Variants in CTNNA3 observed in about 807,000 individuals in gnomAD.
CTNNA3 encodes the protein catenin alpha-3.
CTNNA3 carries 76 observed loss-of-function variants against 95.7 expected under a neutral mutation model. The ratio of observed to expected loss-of-function variants is 0.79; its 90% CI spans 0.66 to 0.96. The LOEUF is 0.96. CTNNA3 is among the 40% of genes least tolerant of loss of function. The pLI is 0.00. For synonymous variants in CTNNA3, 431 were observed against 374.4 expected, an observed-to-expected ratio of 1.15 and a Z score of -1.74; for missense variants, 1,191 against 1,089.8, an observed-to-expected ratio of 1.09 and a Z score of -1.31.
chr10:66,153,374 C>G (rs185066986), intron 13 of CTNNA3, among the ~76,000 whole-genome samples: 1 of 151,880 alleles, frequency 6.6e-6, no homozygotes, highest in Non-Finnish European at 1.5e-5. Context: ...ATTATTTCTG[C>G]ATTCTCTAAT....
chr10:66,204,150 T>A (rs1331404907), intron 13 of CTNNA3, among the ~76,000 whole-genome samples: 3 of 152,160 alleles, frequency 2.0e-5, no homozygotes, highest in Non-Finnish European at 4.4e-5. Flanking sequence ...CTAAAATAGT[T>A]GTTTTAAATA....
chr10:67,070,300 T>A (rs1856369169), intron 7 of CTNNA3, among the ~76,000 whole-genome samples: 1 of 152,178 alleles, frequency 6.6e-6, no homozygotes. Context: ...TCTGAATGAG[T>A]CATTTGTCAG....
Position 67,539,679 on chromosome 10 carries a change from A to G in CTNNA3, c.293-10T>C, listed in dbSNP as rs566394363. 6.2e-7 allele frequency: 1 copy of G among 1,612,696 alleles called. No homozygotes were observed. Among genetic ancestry groups the G allele is most frequent in the African/African-American group, 1.3e-5 (1 of 74,984 alleles). On this transcript the variant is annotated splice_polypyrimidine_tract_variant and intron_variant, in intron 3 of 17. Transcript: ENST00000433211. The stretch of plus-strand genomic sequence containing the variant: ...ACTTTCAGAGCTTCACCTGAAAAAT[A>G]CAACCCCATATAAGTTATACTTTAA...
intron 5 of CTNNA3, among the ~76,000 whole-genome samples, chr10:67,483,508 A>G (rs1848320990): frequency 6.6e-6 from 1 of 151,432 alleles, no homozygotes; most frequent in African/African-American, 2.4e-5. Flanking sequence ...TCAGTAAACT[A>G]TCACAAGGAC....
At chr10:66,036,654 G>C (rs1207763428) in intron 15 of CTNNA3, among the ~76,000 whole-genome samples, 1 of 152,060 alleles carries the variant, frequency 6.6e-6, no homozygotes, top group Non-Finnish European at 1.5e-5. Flanking sequence ...AGGATTACAG[G>C]GGTGAGCCAC....
intron 1 of CTNNA3, among the ~76,000 whole-genome samples, chr10:67,723,052 T>A (rs1190830311): frequency 6.7e-6 from 1 of 149,954 alleles, no homozygotes; most frequent in Non-Finnish European, 1.5e-5. Flanking sequence ...AGTGGCGTAA[T>A]CTTGGCTCAC....
At chr10:67,221,351 T>C (rs1564986475) in intron 5 of CTNNA3, among the ~76,000 whole-genome samples, 1 of 152,178 alleles carries the variant, frequency 6.6e-6, no homozygotes, top group Non-Finnish European at 1.5e-5. Flanking sequence ...AATAGTTCAT[T>C]CACTTCATAT....
chr10:67,727,822 T>TATTACATATAATATAGTATATATCA (rs1564841825), intron 1 of CTNNA3, among the ~76,000 whole-genome samples: 50 of 129,596 alleles, frequency 3.9e-4, no homozygotes, highest in African/African-American at 1.4e-3. Flanking sequence ...ATATCATATA[T>TATTACATATAATATAGTATATATCA]TATATTACAT....
chr10:66,805,997 T>C (rs1402487840), intron 7 of CTNNA3, among the ~76,000 whole-genome samples: 3 of 152,094 alleles, frequency 2.0e-5, no homozygotes, highest in African/African-American at 7.2e-5. Context: ...ACTCCTCTCA[T>C]ACTATTCATA....
chr10:66,690,391 T>G (rs1847476167), intron 9 of CTNNA3, among the ~76,000 whole-genome samples: 1 of 151,930 alleles, frequency 6.6e-6, no homozygotes, highest in Admixed American at 6.6e-5. Flanking sequence ...TAGTTACATA[T>G]GTATACATGT....
chr10:66,162,389 A>G (rs1289486168), intron 13 of CTNNA3, among the ~76,000 whole-genome samples: 2 of 152,098 alleles, frequency 1.3e-5, no homozygotes, highest in Non-Finnish European at 1.5e-5. Flanking sequence ...CTTTTGTCCC[A>G]AGGAATGTTC....
At chr10:67,726,230 TTA>T (rs1191809930) in intron 1 of CTNNA3, among the ~76,000 whole-genome samples, 1 of 93,522 alleles carries the variant, frequency 1.1e-5, no homozygotes, top group African/African-American at 4.5e-5. Flanking sequence ...ACATCATACA[TTA>T]TATATTATAT....
At chr10:67,586,040 T>A (rs1436908529) in intron 3 of CTNNA3, among the ~76,000 whole-genome samples, 1 of 152,158 alleles carries the variant, frequency 6.6e-6, no homozygotes, top group Non-Finnish European at 1.5e-5. Flanking sequence ...TTCATTTGTT[T>A]CAAAAAAATT....
intron 1 of CTNNA3, among the ~76,000 whole-genome samples, chr10:67,726,191 T>C (rs1564840913): frequency 9.3e-6 from 1 of 107,378 alleles, no homozygotes; most frequent in Non-Finnish European, 1.7e-5. Context: ...ATTATTATAA[T>C]ATATAATATA....
intron 13 of CTNNA3, among the ~76,000 whole-genome samples, chr10:66,228,444 T>C (rs1036085515): frequency 1.3e-4 from 20 of 152,116 alleles, no homozygotes; most frequent in African/African-American, 4.8e-4. Flanking sequence ...GGGCACGTTG[T>C]TTGATTTGAA....
At chr10:67,633,910 G>T (rs927093010) in intron 2 of CTNNA3, among the ~76,000 whole-genome samples, 1 of 152,176 alleles carries the variant, frequency 6.6e-6, no homozygotes, top group Admixed American at 6.5e-5. Flanking sequence ...CACAGTTCAG[G>T]ATATCATCCA....
intron 7 of CTNNA3, among the ~76,000 whole-genome samples, chr10:66,849,992 CTGAG>C (rs2132377389): frequency 6.6e-6 from 1 of 151,828 alleles, no homozygotes; most frequent in African/African-American, 2.4e-5. Flanking sequence ...TTTTTTTGCA[CTGAG>C]TAATATAAAT....
intron 7 of CTNNA3, among the ~76,000 whole-genome samples, chr10:66,999,246 G>C (rs1312560564): frequency 1.3e-5 from 2 of 152,026 alleles, no homozygotes; most frequent in African/African-American, 4.8e-5. Flanking sequence ...AAAGGTATCA[G>C]TTAAAAGACC....
chr10:66,572,086 A>C (rs909219173), intron 10 of CTNNA3, among the ~76,000 whole-genome samples: 1 of 152,144 alleles, frequency 6.6e-6, no homozygotes, highest in African/African-American at 2.4e-5. Flanking sequence ...GAGTATGAAA[A>C]AAATCCAGAT....
Sources: gnomAD v4.1 joint callset for allele counts (sites outside exome capture counted in the v4.1 genomes callset) on GRCh38, gnomAD v4.1.1 for gene constraint, MANE v1.5 for transcripts, NCBI Gene and HGNC (gene_info 2026-07-23, HGNC 2026-07-21) for gene names.